Variants in VIT observed in about 807,000 individuals in gnomAD.
The protein encoded by VIT is vitrin.
Under a neutral mutation model 78.0 loss-of-function variants are expected in VIT, and 99 were observed. That is an observed-to-expected ratio of 1.27 (90% confidence interval 1.08 to 1.50). The LOEUF is 1.50. VIT is among the 40% of genes most tolerant of loss of function. VIT has a pLI of 0.00. For synonymous variants in VIT, 374 were observed against 334.3 expected (o/e 1.12, Z -1.29); for missense variants, 1,126 against 875.3 (o/e 1.29, Z -3.61).
Position 36,717,248 on chromosome 2 carries a change from G to T in VIT, c.52+826G>T, listed in dbSNP as rs1666206135. ...GGCTGGAGTGCAGTGGCACAATCTT[G>T]GCTCACTGCAAGCTCTCCCTCCCGG... On this transcript the variant is annotated intron_variant, in intron 2 of 15. Transcript: ENST00000379242. Among the ~76,000 whole-genome samples the T allele has an allele frequency of 3.5e-5, 5 of 143,158 alleles. 1 individual carries two copies. The South Asian group carries it at 1.1e-3, about 32-fold the overall frequency. 93.9% of individuals were successfully genotyped at this position (143,158 alleles called of 152,430 possible). A position where few individuals can be genotyped will look rare whatever the true frequency, so the allele number is the denominator to read the frequency against.
intron 4 of VIT, among the ~76,000 whole-genome samples, chr2:36,751,783 A>C (rs1234024490): frequency 6.6e-6 from 1 of 152,190 alleles, no homozygotes; most frequent in Non-Finnish European, 1.5e-5. Flanking sequence ...TGCCACTGTG[A>C]CTTCCCAGAC....
chr2:36,732,292 G>C (rs531529318), intron 3 of VIT, among the ~76,000 whole-genome samples: 15 of 152,306 alleles, frequency 9.8e-5, no homozygotes, highest in Non-Finnish European at 1.3e-4. Flanking sequence ...CAAATGGATT[G>C]AATTTCTGAT....
chr2:36,775,313 C>A (rs1026234484), intron 9 of VIT, among the ~76,000 whole-genome samples: 1 of 152,196 alleles, frequency 6.6e-6, no homozygotes, highest in South Asian at 2.1e-4. Context: ...TACTTTATGT[C>A]TCCTCAAGAG....
intron 2 of VIT, among the ~76,000 whole-genome samples, chr2:36,727,656 C>T (rs543357925): frequency 1.3e-5 from 2 of 152,344 alleles, no homozygotes; most frequent in South Asian, 2.1e-4. Flanking sequence ...CATCTCTTTT[C>T]TCCAATCTTA....
intron 12 of VIT, among the ~76,000 whole-genome samples, chr2:36,796,153 G>T (rs1435936657): frequency 6.6e-6 from 1 of 150,390 alleles, no homozygotes; most frequent in African/African-American, 2.4e-5. Context: ...TAGTTGTAAG[G>T]CTAAAAGCCA....
At chr2:36,699,626 G>GTAGGTAGATAAATAGA (rs372689790) in intron 1 of VIT, among the ~76,000 whole-genome samples, 1 of 141,886 alleles carries the variant, frequency 7.0e-6, no homozygotes, top group South Asian at 2.3e-4. Flanking sequence ...AGATATATAG[G>GTAGGTAGATAAATAGA]TAGATAGATA....
rs1667069767 is a variant in VIT, at chr2:36,729,586, G to C, written c.118+95G>C. 6 of 1,259,332 alleles carry C rather than the reference G, an allele frequency of 4.8e-6. No individual in the cohort carries two copies. In the South Asian group the frequency reaches 8.5e-5, roughly 18 times the overall value. The allele number at this position is 1,259,332 out of a possible 1,614,324, so 78.0% of individuals were successfully genotyped here. On this transcript the variant is annotated intron_variant, in intron 3 of 15. Transcript: ENST00000379242. ...TTTAGGTAATTTTTGTTTTGGTTTG[G>C]TTTTTATCTCTATGTCAATTAATTT...
At chr2:36,762,363 T>A (rs1669176663) in intron 6 of VIT, among the ~76,000 whole-genome samples, 1 of 152,218 alleles carries the variant, frequency 6.6e-6, no homozygotes, top group Non-Finnish European at 1.5e-5. Flanking sequence ...AGATGATCTA[T>A]GATGGTCAGA....
At chr2:36,742,610 C>G (rs11689624) in intron 3 of VIT, among the ~76,000 whole-genome samples, 101,777 of 152,090 alleles carry the variant, frequency 0.67, 39,491 homozygotes, top group Non-Finnish European at 0.89. Context: ...ATCTACCATC[C>G]TCCCACCAGG....
At chr2:36,767,361 A>T in intron 7 of VIT, 76 bp downstream of exon 7, 4 of 1,375,278 alleles carry the variant, frequency 2.9e-6, no homozygotes, top group Non-Finnish European at 3.8e-6. Context: ...GCTCTGTCTG[A>T]GCATCTACTG....
At chr2:36,709,961 G>A (rs1025162245) in intron 1 of VIT, among the ~76,000 whole-genome samples, 2 of 152,206 alleles carry the variant, frequency 1.3e-5, no homozygotes, top group African/African-American at 4.8e-5. Context: ...TTAGGAAGCT[G>A]ATCCTTTCCA....
At position 36,767,168 on chromosome 2, in the gene VIT, C is replaced by A; in HGVS notation, c.562C>A (p.Leu188Met). The A allele has an allele frequency of 6.2e-7, 1 of 1,611,684 alleles. No individual in the cohort carries two copies. The highest frequency in any genetic ancestry group is 8.5e-7 in the Non-Finnish European group (1 of 1,179,122). The part of the protein sequence containing the change: ...TAQPVTLMQL[L>M]AVTVAVATPT... The stretch of plus-strand genomic sequence containing the variant: ...ACAGCCGGTCACTCTGATGCAGCTT[C>A]TGGCTGTCACTGTAGCTGTGGCCAC... The change falls in exon 7 of 16, where the codon CTG becomes ATG. Residue 188 changes from leucine to methionine, a missense_variant. Leu to Met is a conservative substitution (Grantham distance 15). Transcript: ENST00000379242.
At chr2:36,765,615 C>T (rs1028132665) in intron 6 of VIT, among the ~76,000 whole-genome samples, 9 of 152,154 alleles carry the variant, frequency 5.9e-5, no homozygotes, top group Non-Finnish European at 1.2e-4. Flanking sequence ...GGTGGGGACA[C>T]GGACCCAAAC....
chr2:36,697,152 A>G (rs1243094977), intron 1 of VIT, among the ~76,000 whole-genome samples, 179 bp downstream of exon 1: 1 of 152,200 alleles, frequency 6.6e-6, no homozygotes, highest in Non-Finnish European at 1.5e-5. Flanking sequence ...CTAGTAATAT[A>G]CATATATATT....
At chr2:36,789,792 C>T (rs1490343552) in intron 12 of VIT, among the ~76,000 whole-genome samples, 1 of 152,190 alleles carries the variant, frequency 6.6e-6, no homozygotes, top group Non-Finnish European at 1.5e-5. Context: ...CTGATTCTAC[C>T]TCTTTGTGTT....
rs150302986 is a variant in VIT, at chr2:36,762,236, C to T, written c.487+3190C>T. Among the ~76,000 whole-genome samples the T allele has an allele frequency of 4.9e-3, 745 of 152,270 alleles. 11 individuals carry two copies. Among genetic ancestry groups the T allele is most frequent in the African/African-American group, 0.016 (682 of 41,550 alleles). On this transcript the variant is annotated intron_variant, in intron 6 of 15. Transcript: ENST00000379242. ...AGTGTGGATAGCCAAGGGTGCTTTT[C>T]GTGAAATTTATAAACTAGCAAGAGC...
intron 11 of VIT, among the ~76,000 whole-genome samples, 166 bp downstream of exon 11, chr2:36,783,568 A>C (rs1664902977): frequency 6.6e-6 from 1 of 152,176 alleles, no homozygotes; most frequent in Non-Finnish European, 1.5e-5. Flanking sequence ...CTTTTGAAGG[A>C]TATAAACTGT....
chr2:36,787,237 T>C lies in VIT; in HGVS notation c.1019T>C (p.Ile340Thr), dbSNP rs959541901. Residue 340 changes from isoleucine (I) to threonine (T), a missense_variant, in exon 12 of 16, where the codon ATT becomes ACT. Physicochemically the swap from Ile to Thr is moderately conservative, Grantham distance 89. Coordinates refer to ENST00000379242, the MANE Select transcript of VIT (RefSeq NM_053276.4). Reference protein sequence around the residue: ...LLADVAQALDIGPAGPLMGVV... With the variant: ...LLADVAQALDTGPAGPLMGVV... ...GCTGATGTTGCCCAAGCTCTTGACA[T>C]TGGCCCTGCCGGTCCACTGATGGGT... The C allele has an allele frequency of 1.9e-6, 3 of 1,613,870 alleles. No homozygotes were observed. The highest frequency in any genetic ancestry group is 4.5e-5 in the East Asian group (2 of 44,868).
At chr2:36,701,246 T>C (rs537223121) in intron 1 of VIT, among the ~76,000 whole-genome samples, 2 of 152,140 alleles carry the variant, frequency 1.3e-5, no homozygotes, top group African/African-American at 4.8e-5. Context: ...ATCTCCTTTT[T>C]GGGTGGATGG....
Sources: gnomAD v4.1 joint callset for allele counts (sites outside exome capture counted in the v4.1 genomes callset) on GRCh38, gnomAD v4.1.1 for gene constraint, MANE v1.5 for transcripts, NCBI Gene and HGNC (gene_info 2026-07-23, HGNC 2026-07-21) for gene names.